The following RYR2 variants were observed in gnomAD, a reference collection of about 807,000 sequenced individuals.
The protein encoded by RYR2 is ryanodine receptor 2, also known as cardiac muscle ryanodine receptor-calcium release channel.
RYR2 carries 227 observed loss-of-function variants against 601.1 expected under a neutral mutation model. The ratio of observed to expected loss-of-function variants is 0.38; its 90% CI spans 0.34 to 0.42. The LOEUF (loss-of-function observed/expected upper bound fraction) is 0.42, where lower values mean the gene tolerates loss of function less well. RYR2 is among the 10% of genes least tolerant of loss of function. The probability of loss-of-function intolerance (pLI) is 1.00; values close to 1 mark genes in which losing one functional copy is unlikely to be tolerated. For missense variants in RYR2, 4,646 were observed against 6,156.5 expected (o/e 0.75, Z 8.21); for synonymous variants, 2,223 against 2,175.1 (o/e 1.02, Z -0.61).
intron 24 of RYR2, among the ~76,000 whole-genome samples, chr1:237,524,249 G>C (rs2618696): frequency 5.3e-4 from 81 of 152,110 alleles, no homozygotes; most frequent in African/African-American, 1.9e-3. Context: ...TACTGCCACA[G>C]ACTCCAACAT....
At chr1:237,607,246 G>A (rs1201632424) in intron 35 of RYR2, among the ~76,000 whole-genome samples, 3 of 152,166 alleles carry the variant, frequency 2.0e-5, no homozygotes, top group African/African-American at 7.2e-5. Context: ...ATCCAGCCAC[G>A]AAAAATGATG....
At position 237,742,270 on chromosome 1, in the gene RYR2, CTT is replaced by C. The variant is rs397516499; in HGVS notation, c.11092-12_11092-11del. The C allele has an allele frequency of 8.5e-3, 9,648 of 1,140,750 alleles. No homozygotes were observed. Among genetic ancestry groups the C allele is most frequent in the Middle Eastern group, 0.012 (45 of 3,898 alleles). 70.7% of individuals were successfully genotyped at this position (1,140,750 alleles called of 1,614,324 possible). ...TAAAATCTCAACATATTCCTGTCTC[CTT>C]TTTTTTTTTTTTTAAATATACAGAG... On this transcript the variant is annotated intron_variant, in intron 79 of 104. Coordinates refer to ENST00000366574, the MANE Select transcript of RYR2 (RefSeq NM_001035.3).
intron 3 of RYR2, among the ~76,000 whole-genome samples, chr1:237,333,820 A>G (rs1696983588): frequency 1.3e-5 from 2 of 152,306 alleles, no homozygotes; most frequent in Non-Finnish European, 2.9e-5. Context: ...TTAAATGAAG[A>G]GCCACTTTTC....
At chr1:237,426,530 C>A (rs193198399) in intron 12 of RYR2, among the ~76,000 whole-genome samples, 1 of 152,050 alleles carries the variant, frequency 6.6e-6, no homozygotes, top group African/African-American at 2.4e-5. Flanking sequence ...AAAGTTCAAC[C>A]CACTAAAGAA....
chr1:237,337,472 A>G (rs974934003), intron 3 of RYR2, among the ~76,000 whole-genome samples: 14 of 152,204 alleles, frequency 9.2e-5, no homozygotes, highest in East Asian at 1.9e-4. Context: ...ATTATCTCAT[A>G]GTGGTTAAAG....
At chr1:237,055,623 G>C (rs74146695) in intron 1 of RYR2, among the ~76,000 whole-genome samples, 1,823 of 152,280 alleles carry the variant, frequency 0.012, 38 homozygotes, top group African/African-American at 0.041. Flanking sequence ...TGGTCATATG[G>C]AAATCAGGAG....
At chr1:237,266,765 A>G (rs1424540127) in intron 1 of RYR2, among the ~76,000 whole-genome samples, 1 of 151,906 alleles carries the variant, frequency 6.6e-6, no homozygotes, top group Non-Finnish European at 1.5e-5. Context: ...AGCTGTAGCT[A>G]TAGCCTCTCT....
chr1:237,427,782 CAAAAAAAAAAAAAAAAAAA>C (rs57614793), intron 12 of RYR2, among the ~76,000 whole-genome samples: 8 of 56,192 alleles, frequency 1.4e-4, no homozygotes, highest in Admixed American at 5.9e-4. Context: ...GACTCTGCCT[CAAAAAAAAAAAAAAAAAAA>C]AAAAAAAAAA....
At chr1:237,094,852 A>G (rs1667354212) in intron 1 of RYR2, among the ~76,000 whole-genome samples, 1 of 152,116 alleles carries the variant, frequency 6.6e-6, no homozygotes, top group African/African-American at 2.4e-5. Flanking sequence ...TGGCCTCCCA[A>G]AGTGCTGGGA....
chr1:237,765,977 C>T (rs1693818767), intron 84 of RYR2, among the ~76,000 whole-genome samples: 2 of 151,880 alleles, frequency 1.3e-5, no homozygotes, highest in Admixed American at 6.6e-5. Flanking sequence ...TGGGATGTTG[C>T]GGGGCTGGGG....
intron 87 of RYR2, among the ~76,000 whole-genome samples, chr1:237,774,547 C>A (rs1186620298): frequency 6.6e-6 from 1 of 151,980 alleles, no homozygotes; most frequent in Non-Finnish European, 1.5e-5. Flanking sequence ...CTATTTTTTG[C>A]CTTGGTGGGG....
At chr1:237,282,003 T>C (rs7537394) in intron 2 of RYR2, among the ~76,000 whole-genome samples, 25,518 of 148,878 alleles carry the variant, frequency 0.17, 4,300 homozygotes, top group African/African-American at 0.47. Flanking sequence ...ACAGAGTGCC[T>C]GCTGCCACTG....
At chr1:237,393,830 T>G (rs10925401) in intron 10 of RYR2, among the ~76,000 whole-genome samples, 2 of 151,948 alleles carry the variant, frequency 1.3e-5, no homozygotes, top group Non-Finnish European at 2.9e-5. Context: ...TAGTTTGTCA[T>G]GTGTTCTGGA....
chr1:237,441,476 A>G lies in RYR2; in HGVS notation c.1163A>G (p.Gln388Arg), dbSNP rs397516506. 5.3e-6 allele frequency: 8 copies of G among 1,498,958 alleles called. No homozygotes were observed. The highest frequency in any genetic ancestry group is 1.4e-5 in the African/African-American group (1 of 71,746). The allele number at this position is 1,498,958 out of a possible 1,614,324, so 92.9% of individuals were successfully genotyped here. A position where few individuals can be genotyped will look rare whatever the true frequency, so the allele number is the denominator to read the frequency against. ...DVKSVRMGSIQRKAIMHHEGH... is the reference protein window; with the variant it reads ...DVKSVRMGSIRRKAIMHHEGH... Reference sequence around the variant, plus strand: ...AAATCCGTGAGAATGGGATCTATACAACGTAAGGTAAGGTGATAGAAAAAA... The same window carrying G: ...AAATCCGTGAGAATGGGATCTATACGACGTAAGGTAAGGTGATAGAAAAAA... Residue 388 changes from glutamine (Q) to arginine (R), a missense_variant, in exon 13 of 105, where the codon CAA becomes CGA. By Grantham distance (43) the Gln-to-Arg change is conservative. Transcript: ENST00000366574.
chr1:237,262,850 C>A (rs1010105159), intron 1 of RYR2, among the ~76,000 whole-genome samples: 1 of 151,406 alleles, frequency 6.6e-6, no homozygotes, highest in Non-Finnish European at 1.5e-5. Flanking sequence ...AAAAAAATCT[C>A]GGAAGACTGG....
chr1:237,274,035 ATAT>A (rs1015934529), intron 2 of RYR2, among the ~76,000 whole-genome samples: 1 of 143,794 alleles, frequency 7.0e-6, no homozygotes, highest in African/African-American at 2.7e-5. Context: ...TTTATATTAT[ATAT>A]AATATTTATA....
intron 3 of RYR2, among the ~76,000 whole-genome samples, chr1:237,350,944 G>T (rs1231356355): frequency 6.6e-6 from 1 of 151,932 alleles, no homozygotes; most frequent in African/African-American, 2.4e-5. Context: ...ATAGAACACA[G>T]CACCATATGC....
At chr1:237,144,826 C>A (rs938930496) in intron 1 of RYR2, among the ~76,000 whole-genome samples, 1 of 152,126 alleles carries the variant, frequency 6.6e-6, no homozygotes, top group African/African-American at 2.4e-5. Context: ...GTTATAAAGT[C>A]TAGTAATAAA....
intron 4 of RYR2, among the ~76,000 whole-genome samples, chr1:237,360,515 G>T (rs897079275): frequency 3.3e-5 from 5 of 152,092 alleles, no homozygotes; most frequent in African/African-American, 1.2e-4. Flanking sequence ...CTACATAATT[G>T]TATGTACATA....
Sources: allele counts gnomAD v4.1 joint callset (sites outside exome capture counted in the v4.1 genomes callset), GRCh38; gene constraint gnomAD v4.1.1; transcripts MANE v1.5; gene names NCBI Gene and HGNC (gene_info 2026-07-23, HGNC 2026-07-21).